Variants in CNOT10 observed in about 807,000 individuals in gnomAD.
CNOT10 encodes the protein CCR4-NOT transcription complex subunit 10.
CNOT10 carries 30 observed loss-of-function variants against 94.6 expected under a neutral mutation model. The observed-to-expected ratio is 0.32, with a 90% CI of 0.24 to 0.43. CNOT10 has a LOEUF of 0.43. Ranked by LOEUF, CNOT10 falls within the 20% of genes least tolerant of loss-of-function variation. The pLI, the probability that CNOT10 is intolerant of heterozygous loss-of-function variation, is 1.00. For synonymous variants in CNOT10, 289 were observed against 301.6 expected, an observed-to-expected ratio of 0.96 and a Z score of 0.43; for missense variants, 759 against 877.2, an observed-to-expected ratio of 0.87 and a Z score of 1.70.
intron 8 of CNOT10, among the ~76,000 whole-genome samples, chr3:32,722,578 G>A (rs1194408960): frequency 6.6e-6 from 1 of 152,124 alleles, no homozygotes; most frequent in Non-Finnish European, 1.5e-5. Context: ...AATGCTTTGG[G>A]AGGCCAAGGC....
chr3:32,763,873 G>A (rs1348643832), intron 15 of CNOT10, among the ~76,000 whole-genome samples: 1 of 152,104 alleles, frequency 6.6e-6, no homozygotes, highest in Non-Finnish European at 1.5e-5. Context: ...GCTCACACCT[G>A]TAATCCCAGC....
At chr3:32,695,441 G>C in intron 1 of CNOT10, 1 of 781,010 alleles carries the variant, frequency 1.3e-6, no homozygotes, top group Middle Eastern at 4.1e-4. Context: ...TTCTTTTCTT[G>C]ATATATCAGT....
intron 8 of CNOT10, 48 bp from the exon 9 acceptor site, chr3:32,725,402 T>A (rs1368973947): frequency 1.3e-6 from 2 of 1,494,506 alleles, no homozygotes; most frequent in Non-Finnish European, 1.9e-6. Flanking sequence ...CTGAGGGACA[T>A]CAACATTAAA....
At chr3:32,754,265 C>T (rs1185331860) in intron 13 of CNOT10, among the ~76,000 whole-genome samples, 1 of 151,088 alleles carries the variant, frequency 6.6e-6, no homozygotes, top group Non-Finnish European at 1.5e-5. Flanking sequence ...ATCATGAGGT[C>T]AGGAGATCGA....
chr3:32,732,648 C>T (rs902144641), intron 10 of CNOT10, among the ~76,000 whole-genome samples: 2 of 151,724 alleles, frequency 1.3e-5, no homozygotes, highest in African/African-American at 4.8e-5. Context: ...ACTATGTTGC[C>T]CAGGCTGGTC....
intron 12 of CNOT10, among the ~76,000 whole-genome samples, chr3:32,736,221 G>A (rs1699182584): frequency 6.6e-6 from 1 of 152,018 alleles, no homozygotes; most frequent in African/African-American, 2.4e-5. Context: ...AAATAGCTGG[G>A]ATTATAGGCC....
intron 1 of CNOT10, among the ~76,000 whole-genome samples, chr3:32,698,301 T>C (rs911965744): frequency 1.3e-5 from 2 of 152,226 alleles, no homozygotes; most frequent in African/African-American, 4.8e-5. Context: ...AGTAACACTT[T>C]TTAATAAGCC....
intron 13 of CNOT10, among the ~76,000 whole-genome samples, chr3:32,742,399 T>C (rs1323578355): frequency 1.3e-5 from 2 of 151,274 alleles, no homozygotes; most frequent in East Asian, 4.0e-4. Context: ...TTGCCGTTGT[T>C]CTGAGACAGT....
At chr3:32,686,776 G>C (rs571170476) in intron 1 of CNOT10, among the ~76,000 whole-genome samples, 4 of 152,294 alleles carry the variant, frequency 2.6e-5, no homozygotes, top group Non-Finnish European at 5.9e-5. Flanking sequence ...ATTCCTACTT[G>C]CTCATACCAT....
intron 4 of CNOT10, among the ~76,000 whole-genome samples, chr3:32,712,493 C>T (rs551989685): frequency 6.6e-6 from 1 of 152,052 alleles, no homozygotes; most frequent in South Asian, 2.1e-4. Flanking sequence ...GTATTCCTAC[C>T]CTGAGGTCCA....
intron 13 of CNOT10, among the ~76,000 whole-genome samples, chr3:32,755,985 G>A (rs1352676940): frequency 6.6e-6 from 1 of 152,158 alleles, no homozygotes; most frequent in Non-Finnish European, 1.5e-5. Flanking sequence ...TCGAGGAAGT[G>A]GGGGTGGGGA....
intron 13 of CNOT10, among the ~76,000 whole-genome samples, chr3:32,746,529 G>A (rs757299694): frequency 2.6e-5 from 4 of 152,016 alleles, no homozygotes; most frequent in South Asian, 4.1e-4. Context: ...CCTTGCAGGC[G>A]CAGTTCACGA....
At chr3:32,692,250 C>G (rs769332807) in intron 1 of CNOT10, among the ~76,000 whole-genome samples, 8 of 152,062 alleles carry the variant, frequency 5.3e-5, no homozygotes, top group Non-Finnish European at 1.0e-4. Flanking sequence ...GTAGTCCCAG[C>G]TATGGCTATA....
rs1453310845 is a variant in CNOT10 at position 32,756,959 on chromosome 3, A to T, written c.1596-2499A>T. On this transcript the variant is annotated intron_variant, in intron 13 of 18. Transcript: ENST00000328834. ...CTCTATAAAAAAATACAAAAAAATT[A>T]GCTGGGCATGGTGGCGGGCACCTGT... 3.3e-5 allele frequency among the ~76,000 whole-genome samples: 5 copies of T among 151,748 alleles called. No homozygotes were observed. In the East Asian group the frequency reaches 9.8e-4, roughly 30 times the overall value.
intron 12 of CNOT10, among the ~76,000 whole-genome samples, chr3:32,735,344 C>CAAAAAAAAAAAAAAAAA (rs1267480500): frequency 2.0e-5 from 3 of 151,104 alleles, no homozygotes; most frequent in African/African-American, 7.3e-5. Flanking sequence ...GACTTCATCT[C>CAAAAAAAAAAAAAAAAA]AAAAAAGAAA....
Position 32,704,959 on chromosome 3 carries a change from A to C in CNOT10, c.266A>C (p.Gln89Pro). Residue 89 changes from glutamine (Q) to proline (P), a missense_variant, in exon 3 of 19, where the codon CAG becomes CCG. Transcript: ENST00000328834. ...TTDNLRQTLN[Q>P]LKNQVHSAVE... ...GATAATTTGAGACAAACACTTAACC[A>C]GCTGAAGAATCAGGTGATACATAAA... 6.5e-7 allele frequency: 1 copy of C among 1,533,976 alleles called. No individual in the cohort carries two copies. Among genetic ancestry groups the C allele is most frequent in the African/African-American group, 1.4e-5 (1 of 69,598 alleles).
At position 32,716,257 on chromosome 3, in the gene CNOT10, T is replaced by A. The variant is rs1486842022; in HGVS notation, c.606T>A (p.Asn202Lys). The A allele has an allele frequency of 6.2e-7, 1 of 1,603,984 alleles. No individual in the cohort carries two copies. Among genetic ancestry groups the A allele is most frequent in the Non-Finnish European group, 8.5e-7 (1 of 1,174,744 alleles). Residue 202 changes from asparagine to lysine, a missense_variant, in exon 6 of 19, where the codon AAT (asparagine) becomes AAA (lysine). Physicochemically the swap from Asn to Lys is moderately conservative, Grantham distance 94. Coordinates refer to ENST00000328834, the MANE Select transcript of CNOT10 (RefSeq NM_015442.3). ...ATAACAACAACAAAGATGGATCTAATCATAAAGCTGAAAGTGGAGCTCTAA... is the reference window on the plus strand; with the variant it reads ...ATAACAACAACAAAGATGGATCTAAACATAAAGCTGAAAGTGGAGCTCTAA... ...TGNNNNKDGS[N>K]HKAESGALIE...
Position 32,685,348 on chromosome 3 carries a change from C to T in CNOT10, c.-113C>T. ...CTCCTCTAGCCGGAACCTGGGGGCCCGGAGCCGGGGTAGGCACAGAGTTGT... is the reference window on the plus strand; with the variant it reads ...CTCCTCTAGCCGGAACCTGGGGGCCTGGAGCCGGGGTAGGCACAGAGTTGT... On this transcript the variant is annotated 5_prime_UTR_variant, in exon 1 of 19. Coordinates refer to ENST00000328834, the MANE Select transcript of CNOT10 (RefSeq NM_015442.3). 7.6e-7 allele frequency: 1 copy of T among 1,316,730 alleles called. No homozygotes were observed. Among genetic ancestry groups the T allele is most frequent in the Non-Finnish European group, 1.1e-6 (1 of 941,382 alleles). The allele number at this position is 1,316,730 out of a possible 1,614,324, so 81.6% of individuals were successfully genotyped here.
At chr3:32,750,053 C>CA (rs1699890101) in intron 13 of CNOT10, among the ~76,000 whole-genome samples, 1 of 151,996 alleles carries the variant, frequency 6.6e-6, no homozygotes, top group South Asian at 2.1e-4. Context: ...CTTGTCTCTA[C>CA]AAAAAATTTA....
Sources: gnomAD v4.1 joint callset for allele counts (sites outside exome capture counted in the v4.1 genomes callset) on GRCh38, gnomAD v4.1.1 for gene constraint, MANE v1.5 for transcripts, NCBI Gene and HGNC (gene_info 2026-07-23, HGNC 2026-07-21) for gene names.